The following TMC1 variants were observed in gnomAD, a reference collection of about 807,000 sequenced individuals.
TMC1 encodes transmembrane channel-like protein 1.
A neutral mutation model predicts 105.8 loss-of-function variants in TMC1; 84 were observed. That is an observed-to-expected ratio of 0.79 (90% CI 0.67 to 0.95). The LOEUF (loss-of-function observed/expected upper bound fraction) is 0.95, where lower values mean the gene tolerates loss of function less well. Ranked by LOEUF, TMC1 falls within the 40% of genes least tolerant of loss-of-function variation. The pLI is 0.00. For synonymous variants in TMC1, 315 were observed against 311.5 expected, an observed-to-expected ratio of 1.01 and a Z score of -0.12; for missense variants, 817 against 914.1, an observed-to-expected ratio of 0.89 and a Z score of 1.37.
Position 72,740,177 on chromosome 9 carries a change from C to A in TMC1, c.421C>A (p.Arg141=), listed in dbSNP as rs11143384. The A allele has an allele frequency of 1.2e-6, 2 of 1,613,376 alleles. No homozygotes were observed. The highest frequency in any genetic ancestry group is 2.7e-5 in the African/African-American group (2 of 74,938). Residue 141 remains arginine, a synonymous_variant, in exon 9 of 24, where the codon CGG becomes AGG. Coordinates refer to ENST00000297784, the MANE Select transcript of TMC1 (RefSeq NM_138691.3). ...GGCTCTTGGGAAAGGAAAAGGAAAA[C>A]GGTGGTTTGCATTTAAGATGATGAT... The part of the protein sequence containing the change: ...EGALGKGKGK[R]WFAFKMMMAK...
At chr9:72,668,486 T>C (rs1826078207) in intron 5 of TMC1, among the ~76,000 whole-genome samples, 1 of 152,204 alleles carries the variant, frequency 6.6e-6, no homozygotes, top group African/African-American at 2.4e-5. Context: ...TTCTGTTTTC[T>C]TCTCTGTACA....
chr9:72,814,931 T>A (rs1828759505), intron 18 of TMC1, among the ~76,000 whole-genome samples: 1 of 150,690 alleles, frequency 6.6e-6, no homozygotes. Flanking sequence ...TGTGTGTGTG[T>A]GTGTGTGTGT....
At chr9:72,556,745 C>A (rs1823947257) in intron 1 of TMC1, among the ~76,000 whole-genome samples, 1 of 151,986 alleles carries the variant, frequency 6.6e-6, no homozygotes, top group South Asian at 2.1e-4. Context: ...TCACTTGAAC[C>A]TGGGAGGCGG....
chr9:72,548,566 TAAAA>T (rs778291472), intron 1 of TMC1, among the ~76,000 whole-genome samples: 3 of 132,054 alleles, frequency 2.3e-5, no homozygotes, highest in Non-Finnish European at 5.0e-5. Flanking sequence ...GACTCTGTCT[TAAAA>T]AAAAAAAAAA....
At chr9:72,695,331 G>A (rs879189420) in intron 7 of TMC1, among the ~76,000 whole-genome samples, 4 of 152,214 alleles carry the variant, frequency 2.6e-5, no homozygotes, top group African/African-American at 9.6e-5. Flanking sequence ...TTTAGTAAAC[G>A]CTGACTTTGT....
At chr9:72,641,709 T>C (rs1825631347) in intron 4 of TMC1, among the ~76,000 whole-genome samples, 1 of 152,272 alleles carries the variant, frequency 6.6e-6, no homozygotes, top group East Asian at 1.9e-4. Flanking sequence ...TCTCCTTCGT[T>C]TTCTTTCCAG....
At chr9:72,738,178 C>A (rs916119641) in intron 8 of TMC1, among the ~76,000 whole-genome samples, 3 of 152,156 alleles carry the variant, frequency 2.0e-5, no homozygotes, top group African/African-American at 7.2e-5. Flanking sequence ...TGTCCGCTAT[C>A]AGGAAACTGA....
chr9:72,711,523 G>T (rs145818409), intron 8 of TMC1, among the ~76,000 whole-genome samples: 6 of 152,166 alleles, frequency 3.9e-5, no homozygotes, highest in Non-Finnish European at 8.8e-5. Flanking sequence ...AACCAGTGAT[G>T]ATGAGCCTTT....
At chr9:72,608,700 C>T (rs1447333322) in intron 2 of TMC1, among the ~76,000 whole-genome samples, 1 of 94,556 alleles carries the variant, frequency 1.1e-5, no homozygotes, top group Admixed American at 1.1e-4. Flanking sequence ...GAGACTTCAT[C>T]TCAAAAAAAA....
chr9:72,556,392 C>T (rs575243723), intron 1 of TMC1, among the ~76,000 whole-genome samples: 14 of 151,942 alleles, frequency 9.2e-5, no homozygotes, highest in African/African-American at 3.4e-4. Flanking sequence ...GCTGGGATTA[C>T]AGGCGTGAGT....
At chr9:72,575,273 C>A (rs1036862372) in intron 1 of TMC1, among the ~76,000 whole-genome samples, 1 of 151,958 alleles carries the variant, frequency 6.6e-6, no homozygotes, top group Non-Finnish European at 1.5e-5. Flanking sequence ...CTCTGCCTCC[C>A]GGGTTCAAGT....
chr9:72,806,095 G>A lies in TMC1; in HGVS notation c.1695+585G>A, dbSNP rs1306857999. Among the ~76,000 whole-genome samples the A allele has an allele frequency of 2.6e-5, 4 of 151,522 alleles. No homozygotes were observed. In the East Asian group the frequency reaches 7.9e-4, roughly 30 times the overall value. On this transcript the variant is annotated intron_variant, in intron 18 of 23. Transcript: ENST00000297784. ...AGACGGGGTGGTGGCCGGGCAGAGGGGCTCCTCACTTCCCAGTAGGGGCGG... is the reference window on the plus strand; with the variant it reads ...AGACGGGGTGGTGGCCGGGCAGAGGAGCTCCTCACTTCCCAGTAGGGGCGG...
chr9:72,828,322 A>C (rs952710336), intron 21 of TMC1, among the ~76,000 whole-genome samples: 1 of 152,084 alleles, frequency 6.6e-6, no homozygotes, highest in Non-Finnish European at 1.5e-5. Flanking sequence ...CTTTCTCTAC[A>C]TGTCCATGAT....
At chr9:72,653,733 T>G (rs1825846722) in intron 5 of TMC1, among the ~76,000 whole-genome samples, 1 of 152,156 alleles carries the variant, frequency 6.6e-6, no homozygotes, top group Non-Finnish European at 1.5e-5. Flanking sequence ...AAATGTTTCC[T>G]CATGCCTTCT....
At chr9:72,694,795 T>C (rs1019825625) in intron 7 of TMC1, 81 bp downstream of exon 7, 1 of 1,439,876 alleles carries the variant, frequency 6.9e-7, no homozygotes, top group African/African-American at 1.4e-5. Context: ...ACCTTAAAAT[T>C]GGTAATTAAA....
At chr9:72,594,771 T>TG (rs1341349274) in intron 2 of TMC1, among the ~76,000 whole-genome samples, 2 of 152,068 alleles carry the variant, frequency 1.3e-5, no homozygotes, top group Admixed American at 1.3e-4. Context: ...TGAAATGACT[T>TG]GGGGGGCATG....
At chr9:72,566,381 T>C (rs1587961796) in intron 1 of TMC1, among the ~76,000 whole-genome samples, 1 of 149,792 alleles carries the variant, frequency 6.7e-6, no homozygotes, top group African/African-American at 2.4e-5. Flanking sequence ...CTCTATAGAG[T>C]CAAGGGCTAT....
At chr9:72,551,177 C>CT (rs1823855250) in intron 1 of TMC1, among the ~76,000 whole-genome samples, 1 of 152,182 alleles carries the variant, frequency 6.6e-6, no homozygotes, top group African/African-American at 2.4e-5. Flanking sequence ...TTCTGACACA[C>CT]TGATTTTAGT....
At chr9:72,576,600 T>A (rs1159750475) in intron 1 of TMC1, among the ~76,000 whole-genome samples, 1 of 149,998 alleles carries the variant, frequency 6.7e-6, no homozygotes, top group Non-Finnish European at 1.5e-5. Flanking sequence ...GACCAGCCCC[T>A]CCCTGGACTC....
Sources: allele counts gnomAD v4.1 joint callset (sites outside exome capture counted in the v4.1 genomes callset), GRCh38; gene constraint gnomAD v4.1.1; transcripts MANE v1.5; gene names NCBI Gene and HGNC (gene_info 2026-07-23, HGNC 2026-07-21).